The following DDX10 variants were observed in gnomAD, a reference collection of about 807,000 sequenced individuals.
DDX10 encodes the protein DEAD-box helicase 10, also known as probable ATP-dependent RNA helicase DDX10.
DDX10 carries 74 observed loss-of-function variants against 104.3 expected under a neutral mutation model. That is an observed-to-expected ratio of 0.71 (90% CI 0.59 to 0.86). The LOEUF is 0.86. Ranked by LOEUF, DDX10 falls within the 40% of genes least tolerant of loss-of-function variation. DDX10 has a pLI of 0.00. For missense variants in DDX10, 952 were observed against 1,040.0 expected, an observed-to-expected ratio of 0.92 and a Z score of 1.16; for synonymous variants, 351 against 353.4, an observed-to-expected ratio of 0.99 and a Z score of 0.08.
chr11:108,749,562 C>A (rs145128586), intron 13 of DDX10, among the ~76,000 whole-genome samples: 1 of 152,086 alleles, frequency 6.6e-6, no homozygotes, highest in East Asian at 1.9e-4. Flanking sequence ...TCTCTACTGA[C>A]GCTTCTTAGA....
rs139032474 is a variant in DDX10, at chr11:108,925,472, C to G, written c.2450+7454C>G. ...ATGAACCACCCTTGCTAGTAGGGTT[C>G]TCTGGCAGCTGCCCTAACTCTGGTG... On this transcript the variant is annotated intron_variant, in intron 17 of 17. Transcript: ENST00000322536. Among the ~76,000 whole-genome samples, 362 of 152,284 alleles carry G rather than the reference C, an allele frequency of 2.4e-3. 1 individual carries two copies. The highest frequency in any genetic ancestry group is 8.2e-3 in the African/African-American group (342 of 41,552).
intron 13 of DDX10, among the ~76,000 whole-genome samples, chr11:108,746,768 C>T (rs886531943): frequency 6.6e-6 from 1 of 152,062 alleles, no homozygotes; most frequent in Non-Finnish European, 1.5e-5. Context: ...GAAATAGTAT[C>T]TTTATGGTTC....
chr11:108,679,324 A>G (rs2094231165), intron 5 of DDX10, 47 bp from the exon 6 acceptor site: 2 of 1,471,078 alleles, frequency 1.4e-6, no homozygotes. Flanking sequence ...ATTTAGCCTA[A>G]TGTATATTTT....
At chr11:108,741,846 A>G (rs2094325622) in intron 13 of DDX10, among the ~76,000 whole-genome samples, 1 of 152,176 alleles carries the variant, frequency 6.6e-6, no homozygotes, top group Admixed American at 6.5e-5. Flanking sequence ...AAAGATCTCA[A>G]ATTAATAACC....
chr11:108,877,781 G>A (rs2134629392), intron 16 of DDX10, among the ~76,000 whole-genome samples: 1 of 152,276 alleles, frequency 6.6e-6, no homozygotes, highest in South Asian at 2.1e-4. Context: ...GTCTTGGTAA[G>A]GAGAGGGTAG....
At position 108,703,909 on chromosome 11, in the gene DDX10, T is replaced by C. The variant is rs529958145; in HGVS notation, c.1224-2830T>C. On this transcript the variant is annotated intron_variant, in intron 9 of 17. Transcript: ENST00000322536. ...AATGTAAAATAGGTAAAATGGCCAG[T>C]AATCTTTTTAATGGGTGCTTGCCTT... 1.3e-3 allele frequency among the ~76,000 whole-genome samples: 199 copies of C among 152,290 alleles called. 3 individuals carry two copies. The Middle Eastern group carries it at 0.024, about 18-fold the overall frequency.
At chr11:108,833,894 C>T (rs1862510147) in intron 13 of DDX10, among the ~76,000 whole-genome samples, 1 of 152,138 alleles carries the variant, frequency 6.6e-6, no homozygotes, top group Non-Finnish European at 1.5e-5. Context: ...CTTTTGGACA[C>T]CCAAACGCCC....
intron 16 of DDX10, among the ~76,000 whole-genome samples, chr11:108,860,336 T>G (rs1342491117): frequency 6.6e-6 from 1 of 152,248 alleles, no homozygotes; most frequent in African/African-American, 2.4e-5. Context: ...TTGTATTTTC[T>G]TAAATGACAT....
At chr11:108,846,383 C>T (rs1176533072) in intron 15 of DDX10, among the ~76,000 whole-genome samples, 1 of 152,172 alleles carries the variant, frequency 6.6e-6, no homozygotes, top group Non-Finnish European at 1.5e-5. Flanking sequence ...CTGATGGAAA[C>T]TTTATACACT....
chr11:108,713,696 A>G (rs1213857261), intron 10 of DDX10, among the ~76,000 whole-genome samples: 3 of 152,044 alleles, frequency 2.0e-5, no homozygotes, highest in Non-Finnish European at 2.9e-5. Context: ...TTTTGCTTTT[A>G]GTATGTCTTG....
At chr11:108,749,987 A>G (rs2094336401) in intron 13 of DDX10, among the ~76,000 whole-genome samples, 1 of 152,170 alleles carries the variant, frequency 6.6e-6, no homozygotes, top group South Asian at 2.1e-4. Flanking sequence ...GAAGAAAATG[A>G]TTAGAATCAA....
chr11:108,674,212 C>T (rs950836342), intron 2 of DDX10, among the ~76,000 whole-genome samples: 4 of 151,916 alleles, frequency 2.6e-5, no homozygotes, highest in African/African-American at 9.7e-5. Flanking sequence ...ATCCCAGCTA[C>T]AGGCTGAGGC....
intron 13 of DDX10, among the ~76,000 whole-genome samples, chr11:108,770,851 G>A (rs1368278268): frequency 6.6e-6 from 1 of 151,810 alleles, no homozygotes; most frequent in Non-Finnish European, 1.5e-5. Context: ...CCTTTCCTTG[G>A]GGTATATACC....
At chr11:108,754,724 A>G (rs977675750) in intron 13 of DDX10, among the ~76,000 whole-genome samples, 1 of 151,996 alleles carries the variant, frequency 6.6e-6, no homozygotes. Context: ...GAAGGAACAA[A>G]AAAGATTCTG....
chr11:108,868,924 G>A (rs905044980), intron 16 of DDX10, among the ~76,000 whole-genome samples: 2 of 151,094 alleles, frequency 1.3e-5, no homozygotes, highest in African/African-American at 4.9e-5. Context: ...AAAAAACTGA[G>A]GGTTAAAGAG....
At chr11:108,890,971 C>T (rs1863368169) in intron 16 of DDX10, among the ~76,000 whole-genome samples, 1 of 152,112 alleles carries the variant, frequency 6.6e-6, no homozygotes. Context: ...AGCCTTTCTC[C>T]CTGCTCTCCC....
intron 16 of DDX10, among the ~76,000 whole-genome samples, chr11:108,913,405 A>G (rs1162076477): frequency 6.6e-6 from 1 of 152,152 alleles, no homozygotes; most frequent in East Asian, 1.9e-4. Context: ...AGGAATCATC[A>G]TTCCTGCCTT....
chr11:108,879,271 A>G (rs577225142), intron 16 of DDX10, among the ~76,000 whole-genome samples: 21 of 152,256 alleles, frequency 1.4e-4, no homozygotes, highest in African/African-American at 4.8e-4. Context: ...AAGTGCTGAG[A>G]TTACAGGCAT....
intron 16 of DDX10, among the ~76,000 whole-genome samples, chr11:108,857,484 A>C (rs1000968917): frequency 6.6e-6 from 1 of 152,174 alleles, no homozygotes; most frequent in African/African-American, 2.4e-5. Context: ...GAGCACCGCC[A>C]ATAATTACAG....
Sources: allele counts gnomAD v4.1 joint callset (sites outside exome capture counted in the v4.1 genomes callset), GRCh38; gene constraint gnomAD v4.1.1; transcripts MANE v1.5; gene names NCBI Gene and HGNC (gene_info 2026-07-23, HGNC 2026-07-21).